The following TBL1X variants were observed in gnomAD, a reference collection of about 807,000 sequenced individuals.
The protein encoded by TBL1X is F-box-like/WD repeat-containing protein TBL1X.
TBL1X carries 10 observed loss-of-function variants against 50.7 expected under a neutral mutation model. That is an observed-to-expected ratio of 0.20 (90% CI 0.12 to 0.33). TBL1X has a LOEUF of 0.33. TBL1X is among the 10% of genes least tolerant of loss of function. The pLI is 1.00. For missense variants in TBL1X, 340 were observed against 504.4 expected, an observed-to-expected ratio of 0.67 and a Z score of 3.12; for synonymous variants, 190 against 214.7, an observed-to-expected ratio of 0.88 and a Z score of 1.01.
chrX:9,689,354 C>G (rs1466789192), intron 7 of TBL1X, among the ~76,000 whole-genome samples: 1 of 112,196 alleles, frequency 8.9e-6, no homozygotes, highest in Non-Finnish European at 1.9e-5. Flanking sequence ...CCACAGGCAC[C>G]AGCTAAAAAA....
chrX:9,564,809 T>A (rs2082341319), intron 2 of TBL1X, among the ~76,000 whole-genome samples: 1 of 109,827 alleles, frequency 9.1e-6, no homozygotes, highest in Non-Finnish European at 1.9e-5. Flanking sequence ...TGGGTGGGTG[T>A]TGCGGGAGGA....
At chrX:9,660,814 T>G (rs1024495351) in intron 5 of TBL1X, among the ~76,000 whole-genome samples, 2 of 112,441 alleles carry the variant, frequency 1.8e-5, no homozygotes, top group Admixed American at 1.9e-4. Context: ...TTATATGTCA[T>G]CCTTGCTCAT....
intron 2 of TBL1X, chrX:9,636,229 T>TC (rs2082745839): frequency 9.1e-6 from 1 of 110,299 alleles, no homozygotes; most frequent in Non-Finnish European, 1.9e-5. Context: ...ACATAGGTGG[T>TC]GGTTGCATAA....
rs755915858 is a variant in TBL1X, at chrX:9,479,297, T to C, written c.-201+13850T>C. 6.3e-4 allele frequency among the ~76,000 whole-genome samples: 71 copies of C among 111,948 alleles called. 1 individual carries two copies. Among genetic ancestry groups the C allele is most frequent in the South Asian group, 1.1e-3 (3 of 2,672 alleles). The stretch of plus-strand genomic sequence containing the variant: ...CCCATCTCTACTAAAAATACAAAAA[T>C]TAGCCGGGTGTGGTAGCACACGCCT... On this transcript the variant is annotated intron_variant, in intron 1 of 17. Coordinates refer to ENST00000645353, the MANE Select transcript of TBL1X (RefSeq NM_005647.4).
intron 2 of TBL1X, among the ~76,000 whole-genome samples, chrX:9,613,714 G>A (rs765428500): frequency 4.1e-4 from 46 of 111,057 alleles, no homozygotes; most frequent in Non-Finnish European, 5.8e-4. Context: ...GGCTGGGCGC[G>A]GTGGCTCACA....
rs751546338 is a variant in TBL1X, at chrX:9,592,942, C to T, written c.-130-47331C>T. ...GGTCTGTCCATTTTACATGCTGTAC[C>T]GTGTGCTTCATGGGAAATATATTTC... On this transcript the variant is annotated intron_variant, in intron 2 of 17. Coordinates refer to ENST00000645353, the MANE Select transcript of TBL1X (RefSeq NM_005647.4). 9.1e-5 allele frequency among the ~76,000 whole-genome samples: 9 copies of T among 99,063 alleles called. No homozygotes were observed. In the South Asian group the frequency reaches 4.0e-3, roughly 44 times the overall value. 86.0% of individuals were successfully genotyped at this position (99,063 alleles called of 115,157 possible). A position where few individuals can be genotyped will look rare whatever the true frequency, so the allele number is the denominator to read the frequency against.
At chrX:9,685,717 CTTTTT>C (rs752837096) in intron 6 of TBL1X, among the ~76,000 whole-genome samples, 1 of 59,620 alleles carries the variant, frequency 1.7e-5, no homozygotes, top group Middle Eastern at 0.017. Context: ...CTTTTCTTTT[CTTTTT>C]TTTTTTTTTT....
At chrX:9,614,758 G>T (rs978840443) in intron 2 of TBL1X, among the ~76,000 whole-genome samples, 2 of 111,382 alleles carry the variant, frequency 1.8e-5, no homozygotes, top group African/African-American at 6.5e-5. Flanking sequence ...ATAGAAACTA[G>T]TAAGAGTCAG....
rs1205741787 is a variant in TBL1X, at chrX:9,716,894, T to G, written c.*648T>G. 9.0e-6 allele frequency: 1 copy of G among 110,942 alleles called. No homozygotes were observed. Among genetic ancestry groups the G allele is most frequent in the African/African-American group, 3.3e-5 (1 of 30,354 alleles). 9.1% of individuals were successfully genotyped at this position (110,942 alleles called of 1,213,427 possible). A position where few individuals can be genotyped will look rare whatever the true frequency, so the allele number is the denominator to read the frequency against. ...GCTTGTTGTCTCTTCCTTCTGTTGCTCCCTGCCCCTCCCCCTGCCTTTCCA... is the reference window on the plus strand; with the variant it reads ...GCTTGTTGTCTCTTCCTTCTGTTGCGCCCTGCCCCTCCCCCTGCCTTTCCA... On this transcript the variant is annotated 3_prime_UTR_variant, in exon 18 of 18. Coordinates refer to ENST00000645353, the MANE Select transcript of TBL1X (RefSeq NM_005647.4).
In TBL1X at chrX:9,666,737, T is replaced by A. The variant is rs190091213; in HGVS notation, c.211+12415T>A. ...CTAGGCTGGGAAGAGTCAGACATTGTCTGCAGCTCTGTCTTTGTCCTGGGC... is the reference window on the plus strand; with the variant it reads ...CTAGGCTGGGAAGAGTCAGACATTGACTGCAGCTCTGTCTTTGTCCTGGGC... On this transcript the variant is annotated intron_variant, in intron 5 of 17. Coordinates refer to ENST00000645353, the MANE Select transcript of TBL1X (RefSeq NM_005647.4). 5.4e-3 allele frequency among the ~76,000 whole-genome samples: 602 copies of A among 111,644 alleles called. 1 individual carries two copies. The highest frequency in any genetic ancestry group is 8.8e-3 in the Non-Finnish European group (466 of 53,200).
chrX:9,644,442 G>C (rs2082791783), intron 3 of TBL1X, among the ~76,000 whole-genome samples: 1 of 111,061 alleles, frequency 9.0e-6, no homozygotes, highest in African/African-American at 3.3e-5. Context: ...TGCATTGTCC[G>C]GCTCATGTGA....
intron 5 of TBL1X, among the ~76,000 whole-genome samples, chrX:9,683,626 G>A (rs1601836835): frequency 9.0e-6 from 1 of 111,323 alleles, no homozygotes; most frequent in Non-Finnish European, 1.9e-5. Flanking sequence ...TGCTTTCAGG[G>A]GGTGACACAG....
At chrX:9,633,777 GA>G (rs1205923147) in intron 2 of TBL1X, among the ~76,000 whole-genome samples, 1 of 111,787 alleles carries the variant, frequency 8.9e-6, no homozygotes, top group Non-Finnish European at 1.9e-5. Flanking sequence ...GAGTCAGTCA[GA>G]AAAGTATCTT....
intron 10 of TBL1X, 44 bp downstream of exon 10, chrX:9,693,256 G>C (rs754754762): frequency 8.3e-7 from 1 of 1,209,448 alleles, no homozygotes; most frequent in South Asian, 1.8e-5. Context: ...AAGAGGAGCT[G>C]CCGAACTTAA....
chrX:9,683,876 A>G (rs1207227343), intron 5 of TBL1X, 167 bp from the exon 6 acceptor site: 4 of 700,108 alleles, frequency 5.7e-6, no homozygotes, highest in Non-Finnish European at 8.8e-6. Context: ...GCCCTTTCCC[A>G]CCTTACTGAA....
chrX:9,687,344 C>T (rs886551847), intron 6 of TBL1X, among the ~76,000 whole-genome samples: 5 of 112,348 alleles, frequency 4.5e-5, no homozygotes, highest in African/African-American at 1.6e-4. Flanking sequence ...TATTAAATCC[C>T]CTGGACAGAT....
chrX:9,593,362 A>G (rs1490645116), intron 2 of TBL1X, among the ~76,000 whole-genome samples: 2 of 110,209 alleles, frequency 1.8e-5, no homozygotes, highest in Non-Finnish European at 3.8e-5. Flanking sequence ...ATATCGCACC[A>G]CTGCACTCCA....
intron 1 of TBL1X, among the ~76,000 whole-genome samples, chrX:9,491,333 TATATA>T (rs1416696751): frequency 0.013 from 370 of 28,339 alleles, 6 homozygotes; most frequent in African/African-American, 0.049. Context: ...TATATATATA[TATATA>T]TTTTTTTTTT....
intron 3 of TBL1X, among the ~76,000 whole-genome samples, chrX:9,647,541 G>A (rs1385088021): frequency 8.9e-6 from 1 of 111,974 alleles, no homozygotes; most frequent in Non-Finnish European, 1.9e-5. Flanking sequence ...CTCCTGTTTG[G>A]GGCCAAGGAG....
Sources: gnomAD v4.1 joint callset for allele counts (sites outside exome capture counted in the v4.1 genomes callset) on GRCh38, gnomAD v4.1.1 for gene constraint, MANE v1.5 for transcripts, NCBI Gene and HGNC (gene_info 2026-07-23, HGNC 2026-07-21) for gene names.